Variants in RNF149 observed in about 807,000 individuals in gnomAD.
RNF149 encodes the protein E3 ubiquitin-protein ligase RNF149.
RNF149 carries 21 observed loss-of-function variants against 39.0 expected under a neutral mutation model. The observed-to-expected ratio is 0.54, with a 90% CI of 0.38 to 0.77. The LOEUF is 0.77. Ranked by LOEUF, RNF149 falls within the 30% of genes least tolerant of loss-of-function variation. The probability of loss-of-function intolerance (pLI) is 0.00; values close to 1 mark genes in which losing one functional copy is unlikely to be tolerated. For missense variants in RNF149, 493 were observed against 534.9 expected (o/e 0.92, Z 0.77); for synonymous variants, 209 against 213.6 (o/e 0.98, Z 0.19).
chr2:101,297,449 T>C (rs891775591), intron 1 of RNF149, among the ~76,000 whole-genome samples: 6 of 152,164 alleles, frequency 3.9e-5, no homozygotes, highest in African/African-American at 1.4e-4. Context: ...CTCAAACTCC[T>C]GGGCTCAAGT....
At chr2:101,274,813 T>G (rs1682266544), downstream of RNF149, among the ~76,000 whole-genome samples, 1 of 152,104 alleles carries the variant, frequency 6.6e-6, no homozygotes, top group South Asian at 2.1e-4. Flanking sequence ...TGAGATGGAG[T>G]TTTGCTCTTG....
At chr2:101,305,162 G>A (rs527828204) in intron 1 of RNF149, among the ~76,000 whole-genome samples, 1 of 151,952 alleles carries the variant, frequency 6.6e-6, no homozygotes, top group Non-Finnish European at 1.5e-5. Context: ...TTACAGGCAG[G>A]CCACCTCTAC....
chr2:101,298,232 C>T (rs1330079866), intron 1 of RNF149, among the ~76,000 whole-genome samples: 1 of 152,032 alleles, frequency 6.6e-6, no homozygotes, highest in East Asian at 1.9e-4. Flanking sequence ...ACCAGCTTGG[C>T]CATCATGGCA....
At chr2:101,291,363 C>T (rs1489718647) in intron 3 of RNF149, among the ~76,000 whole-genome samples, 1 of 151,712 alleles carries the variant, frequency 6.6e-6, no homozygotes, top group Non-Finnish European at 1.5e-5. Flanking sequence ...GTTGGCCAAG[C>T]TGGTCTCGAA....
rs1036945858 is a variant in RNF149, at chr2:101,276,083, T to A, written c.*1155A>T. On this transcript the variant is annotated 3_prime_UTR_variant, in exon 7 of 7. Transcript: ENST00000295317. ...GGCTATAAAAATAAATTTATAATTT[T>A]AAAAATTGTTTTAAATAAACATTTA... 4 of 875,072 alleles carry A rather than the reference T, an allele frequency of 4.6e-6. No individual in the cohort carries two copies. Among genetic ancestry groups the A allele is most frequent in the African/African-American group, 3.6e-5 (2 of 55,018 alleles). The allele number at this position is 875,072 out of a possible 1,614,324, so 54.2% of individuals were successfully genotyped here.
chr2:101,289,158 A>C, intron 3 of RNF149, 103 bp from the exon 4 acceptor site: 1 of 669,594 alleles, frequency 1.5e-6, no homozygotes, highest in Non-Finnish European at 2.7e-6. Context: ...TCCCTTCTAC[A>C]GTGGTACAAC....
At chr2:101,293,034 C>G (rs1378285437) in intron 3 of RNF149, among the ~76,000 whole-genome samples, 1 of 144,852 alleles carries the variant, frequency 6.9e-6, no homozygotes, top group Admixed American at 7.0e-5. Flanking sequence ...AAAATAATAC[C>G]TTGCACAAAC....
intron 1 of RNF149, among the ~76,000 whole-genome samples, chr2:101,305,366 G>A (rs1171464333): frequency 6.6e-6 from 1 of 152,102 alleles, no homozygotes; most frequent in African/African-American, 2.4e-5. Flanking sequence ...TTCTGTAAGG[G>A]TCTTTTCATT....
chr2:101,308,194 G>GCCGCCT lies in RNF149; in HGVS notation c.394_395insAGGCGG (p.Asn131_Ala132insGluAla). The GCCGCCT allele has an allele frequency of 6.2e-7, 1 of 1,609,888 alleles. No individual in the cohort carries two copies. The highest frequency in any genetic ancestry group is 8.5e-7 in the Non-Finnish European group (1 of 1,179,158). On this transcript the variant is annotated inframe_insertion, in exon 1 of 7. Transcript: ENST00000295317. ...CTCATTGTAGAGGACGACGGCCGAG[G>GCCGCCT]CGTTCCTCCGCGCCGCCACCAGCAC... is the stretch of plus-strand genomic sequence containing the variant.
At chr2:101,293,137 T>TAA (rs879269387) in intron 3 of RNF149, among the ~76,000 whole-genome samples, 1 of 144,484 alleles carries the variant, frequency 6.9e-6, no homozygotes, top group Non-Finnish European at 1.5e-5. Flanking sequence ...AATTCCAAAT[T>TAA]AAAAAAAAAA....
At position 101,308,098 on chromosome 2, in the gene RNF149, C is replaced by G. The variant is rs754227681; in HGVS notation, c.460+31G>C. ...CCCAGCCTCGGCTGCCGCGAAGTCC[C>G]CCTCCCGTCCTCGCGCCCCGGCCTG... On this transcript the variant is annotated intron_variant, in intron 1 of 6. Coordinates refer to ENST00000295317, the MANE Select transcript of RNF149 (RefSeq NM_173647.4). 5 of 1,600,960 alleles carry G rather than the reference C, an allele frequency of 3.1e-6. No individual in the cohort carries two copies. The African/African-American group carries it at 6.8e-5, about 22-fold the overall frequency.
Position 101,308,481 on chromosome 2 carries a change from C to T in RNF149, c.108G>A (p.Glu36=). 6.2e-7 allele frequency: 1 copy of T among 1,611,092 alleles called. No individual in the cohort carries two copies. Among genetic ancestry groups the T allele is most frequent in the East Asian group, 2.2e-5 (1 of 44,788 alleles). Residue 36 remains glutamate, a synonymous_variant, in exon 1 of 7, where the codon GAG becomes GAA. Coordinates refer to ENST00000295317, the MANE Select transcript of RNF149 (RefSeq NM_173647.4). The part of the protein sequence containing the change: ...CVPGARGRAL[E]WFSAVVNIEY... ...CGATGTTTACCACGGCCGAGAACCA[C>T]TCGAGAGCCCGGCCCCGGGCCCCGG...
chr2:101,280,684 T>C (rs1382543873), intron 6 of RNF149, among the ~76,000 whole-genome samples: 1 of 152,132 alleles, frequency 6.6e-6, no homozygotes, highest in African/African-American at 2.4e-5. Flanking sequence ...AGCCCTAGTA[T>C]TTTCAATGTA....
At position 101,276,510 on chromosome 2, in the gene RNF149, A is replaced by G; in HGVS notation, c.*728T>C. On this transcript the variant is annotated 3_prime_UTR_variant, in exon 7 of 7. Coordinates refer to ENST00000295317, the MANE Select transcript of RNF149 (RefSeq NM_173647.4). Reference sequence around the variant, plus strand: ...AGTCTGCCTACTCATTTTCCTTAACAAGGCAATGAAGAACTTAATGCTCAT... The same window carrying G: ...AGTCTGCCTACTCATTTTCCTTAACGAGGCAATGAAGAACTTAATGCTCAT... 1.0e-6 allele frequency: 1 copy of G among 985,804 alleles called. No individual in the cohort carries two copies. The highest frequency in any genetic ancestry group is 1.2e-6 in the Non-Finnish European group (1 of 829,860). The allele number at this position is 985,804 out of a possible 1,614,324, so 61.1% of individuals were successfully genotyped here.
At chr2:101,272,727 T>A (rs527436189), downstream of RNF149, 10 of 349,404 alleles carry the variant, frequency 2.9e-5, no homozygotes, top group East Asian at 4.5e-4. Flanking sequence ...TCAGCCTTCA[T>A]TGAGCAAATA....
At chr2:101,279,142 T>TA (rs1306555115) in intron 6 of RNF149, among the ~76,000 whole-genome samples, 6 of 152,138 alleles carry the variant, frequency 3.9e-5, no homozygotes, top group Non-Finnish European at 7.4e-5. Flanking sequence ...CTTGAGAATT[T>TA]AAAAAAAGGA....
At chr2:101,305,714 G>A (rs1441642984) in intron 1 of RNF149, among the ~76,000 whole-genome samples, 1 of 152,178 alleles carries the variant, frequency 6.6e-6, no homozygotes, top group Non-Finnish European at 1.5e-5. Flanking sequence ...GGTATGAACA[G>A]GGAGGGAGAG....
intron 3 of RNF149, among the ~76,000 whole-genome samples, chr2:101,292,281 T>C (rs1020151139): frequency 1.3e-5 from 2 of 152,168 alleles, no homozygotes; most frequent in Admixed American, 1.3e-4. Flanking sequence ...AAAATATATA[T>C]ACCATAAGGC....
chr2:101,277,179 T>A lies in RNF149; in HGVS notation c.*59A>T. The A allele has an allele frequency of 6.3e-7, 1 of 1,594,704 alleles. No homozygotes were observed. The highest frequency in any genetic ancestry group is 8.6e-7 in the Non-Finnish European group (1 of 1,168,828). On this transcript the variant is annotated 3_prime_UTR_variant, in exon 7 of 7. Coordinates refer to ENST00000295317, the MANE Select transcript of RNF149 (RefSeq NM_173647.4). ...AAATTATGTGCTAAAGTAAAAAAAA[T>A]AAAATGTCCTTTAGTTCAAGCCAAA...
Sources: allele counts gnomAD v4.1 joint callset (sites outside exome capture counted in the v4.1 genomes callset), GRCh38; gene constraint gnomAD v4.1.1; transcripts MANE v1.5; gene names NCBI Gene and HGNC (gene_info 2026-07-23, HGNC 2026-07-21).